TTC39C: variants seen among roughly 807,000 people sequenced by gnomAD.
The protein encoded by TTC39C is tetratricopeptide repeat domain 39C, also known as tetratricopeptide repeat protein 39C.
A neutral mutation model predicts 76.3 loss-of-function variants in TTC39C; 33 were observed. The ratio of observed to expected loss-of-function variants is 0.43; its 90% CI spans 0.33 to 0.58. The LOEUF (loss-of-function observed/expected upper bound fraction) is 0.58. TTC39C is among the 20% of genes least tolerant of loss of function. The pLI is 0.04. For synonymous variants in TTC39C, 254 were observed against 260.6 expected (o/e 0.97, Z 0.24); for missense variants, 595 against 701.4 (o/e 0.85, Z 1.71).
chr18:24,104,665 C>T (rs1056100488), intron 6 of TTC39C, among the ~76,000 whole-genome samples: 2 of 149,084 alleles, frequency 1.3e-5, no homozygotes, highest in African/African-American at 5.0e-5. Flanking sequence ...AGACCAGTGC[C>T]CAGCGCTTAG....
chr18:24,131,633 G>C (rs1343371445), intron 12 of TTC39C, among the ~76,000 whole-genome samples: 2 of 151,426 alleles, frequency 1.3e-5, no homozygotes, highest in African/African-American at 4.9e-5. Context: ...TTGAACACGG[G>C]AGGCAGAGGT....
intron 2 of TTC39C, among the ~76,000 whole-genome samples, chr18:24,065,584 G>A (rs2084155922): frequency 1.3e-5 from 2 of 152,228 alleles, no homozygotes; most frequent in African/African-American, 4.8e-5. Flanking sequence ...GATTTTCCAG[G>A]TGTACCTACA....
At chr18:24,077,713 G>A (rs1281394919) in intron 4 of TTC39C, among the ~76,000 whole-genome samples, 1 of 152,188 alleles carries the variant, frequency 6.6e-6, no homozygotes, top group East Asian at 1.9e-4. Context: ...TGCAGCCAGT[G>A]ATTATTTGTT....
intron 1 of TTC39C, among the ~76,000 whole-genome samples, chr18:24,057,609 A>G (rs1318184562): frequency 6.6e-6 from 1 of 152,200 alleles, no homozygotes; most frequent in Non-Finnish European, 1.5e-5. Flanking sequence ...GTTATTGCTT[A>G]TGAGATTAAT....
At chr18:24,024,496 C>T (rs968487225) in intron 1 of TTC39C, among the ~76,000 whole-genome samples, 5 of 152,226 alleles carry the variant, frequency 3.3e-5, no homozygotes, top group Admixed American at 1.3e-4. Context: ...ACTAAATTTA[C>T]CCGTAAATGT....
intron 8 of TTC39C, among the ~76,000 whole-genome samples, chr18:24,122,420 T>C (rs1350517700): frequency 7.3e-6 from 1 of 136,596 alleles, no homozygotes; most frequent in Non-Finnish European, 1.5e-5. Flanking sequence ...GAGAATTGCT[T>C]GAACCCAGGA....
chr18:24,109,967 C>T (rs757111818), intron 6 of TTC39C, among the ~76,000 whole-genome samples: 6 of 152,018 alleles, frequency 3.9e-5, no homozygotes, highest in Non-Finnish European at 5.9e-5. Flanking sequence ...GCCGAGATCA[C>T]GCCACTGCAC....
chr18:24,059,539 A>G (rs1022900218), intron 1 of TTC39C, among the ~76,000 whole-genome samples: 3 of 152,234 alleles, frequency 2.0e-5, no homozygotes, highest in Non-Finnish European at 4.4e-5. Flanking sequence ...TGCAAAGGAC[A>G]TGATCTTGTT....
chr18:24,075,981 G>T (rs370237124), intron 4 of TTC39C, among the ~76,000 whole-genome samples: 31 of 152,246 alleles, frequency 2.0e-4, no homozygotes, highest in East Asian at 9.7e-4. Flanking sequence ...GCTAGTTGTT[G>T]CCTGGTCCTC....
At chr18:24,028,326 C>A (rs1409614434) in intron 1 of TTC39C, among the ~76,000 whole-genome samples, 3 of 152,124 alleles carry the variant, frequency 2.0e-5, no homozygotes, top group African/African-American at 7.2e-5. Context: ...TTTTCTGTAG[C>A]CCTTGTGTGA....
At chr18:24,067,900 T>A (rs1426840475) in intron 3 of TTC39C, among the ~76,000 whole-genome samples, 1 of 152,168 alleles carries the variant, frequency 6.6e-6, no homozygotes, top group Admixed American at 6.5e-5. Flanking sequence ...CCTGGAACAT[T>A]CTCCTCCCTC....
intron 3 of TTC39C, among the ~76,000 whole-genome samples, chr18:24,067,884 C>T (rs2084186532): frequency 6.6e-6 from 1 of 152,110 alleles, no homozygotes; most frequent in Non-Finnish European, 1.5e-5. Context: ...GTTTACGTTT[C>T]CTCTGCCTGG....
chr18:24,023,636 T>A (rs567557137), intron 1 of TTC39C, among the ~76,000 whole-genome samples: 1 of 151,996 alleles, frequency 6.6e-6, no homozygotes, highest in Admixed American at 6.5e-5. Flanking sequence ...GCTATGATAA[T>A]GCTCTGATGT....
chr18:24,064,257 TA>T, intron 2 of TTC39C, 69 bp downstream of exon 2: 1 of 1,559,930 alleles, frequency 6.4e-7, no homozygotes, highest in Non-Finnish European at 8.8e-7. Flanking sequence ...TGTTAGTGGC[TA>T]CCAGTTGTAT....
intron 3 of TTC39C, among the ~76,000 whole-genome samples, chr18:24,068,470 A>G (rs1227309544): frequency 1.3e-5 from 2 of 152,160 alleles, no homozygotes; most frequent in Admixed American, 6.6e-5. Context: ...TATTTAACTT[A>G]TTTTATTCAA....
At chr18:24,131,455 G>A (rs1452956233) in intron 12 of TTC39C, among the ~76,000 whole-genome samples, 1 of 152,074 alleles carries the variant, frequency 6.6e-6, no homozygotes. Context: ...GCTCATACCT[G>A]TAATCCCAGC....
At chr18:24,109,201 TA>T (rs1309236956) in intron 6 of TTC39C, among the ~76,000 whole-genome samples, 2 of 106,068 alleles carry the variant, frequency 1.9e-5, no homozygotes, top group Non-Finnish European at 3.7e-5. Flanking sequence ...AAAAAAAAGT[TA>T]AAAAATTAGC....
intron 1 of TTC39C, among the ~76,000 whole-genome samples, chr18:24,031,122 C>CT (rs74423704): frequency 0.013 from 1,850 of 139,726 alleles, 17 homozygotes; most frequent in Non-Finnish European, 0.02. Flanking sequence ...ACCTTTTTTA[C>CT]TTTTTTTTTT....
intron 7 of TTC39C, among the ~76,000 whole-genome samples, chr18:24,117,588 G>C (rs1421630278): frequency 6.6e-6 from 1 of 152,062 alleles, no homozygotes; most frequent in Non-Finnish European, 1.5e-5. Flanking sequence ...TGTAATCCCA[G>C]CTACTTGGGA....
Sources: allele counts gnomAD v4.1 joint callset (sites outside exome capture counted in the v4.1 genomes callset), GRCh38; gene constraint gnomAD v4.1.1; transcripts MANE v1.5; gene names NCBI Gene and HGNC (gene_info 2026-07-23, HGNC 2026-07-21).